Variants in SND1 observed in about 807,000 individuals in gnomAD.
The protein encoded by SND1 is staphylococcal nuclease and tudor domain containing 1.
In SND1, 38 loss-of-function variants were observed where a neutral mutation model predicts 121.7. The observed-to-expected ratio is 0.31, with a 90% CI of 0.24 to 0.41. The LOEUF (loss-of-function observed/expected upper bound fraction) is 0.41, where lower values mean the gene tolerates loss of function less well. Among genes scored for constraint, SND1 ranks in the 10% least tolerant of loss-of-function variants. The probability of loss-of-function intolerance (pLI) is 1.00; values close to 1 mark genes in which losing one functional copy is unlikely to be tolerated. For missense variants in SND1, 868 were observed against 1,184.6 expected (o/e 0.73, Z 3.92); for synonymous variants, 401 against 447.4 (o/e 0.90, Z 1.31).
chr7:127,674,109 GCT>G (rs1795575609), intron 1 of SND1, among the ~76,000 whole-genome samples: 1 of 148,432 alleles, frequency 6.7e-6, no homozygotes, highest in African/African-American at 2.5e-5. Flanking sequence ...TTCCTGCCTT[GCT>G]CTCTCCTTTC....
chr7:127,759,383 A>G (rs536676921), intron 10 of SND1, among the ~76,000 whole-genome samples: 5 of 152,188 alleles, frequency 3.3e-5, no homozygotes, highest in Admixed American at 6.5e-5. Context: ...GTTTGTTTTC[A>G]TACTTAAATT....
intron 2 of SND1, among the ~76,000 whole-genome samples, chr7:127,691,339 G>A (rs568298147): frequency 2.1e-3 from 312 of 152,008 alleles, no homozygotes; most frequent in Middle Eastern, 3.4e-3. Flanking sequence ...TCAGGAGTTC[G>A]AGACCAGCCT....
At chr7:128,032,270 T>C (rs1792644369) in intron 16 of SND1, among the ~76,000 whole-genome samples, 2 of 150,436 alleles carry the variant, frequency 1.3e-5, no homozygotes, top group South Asian at 4.2e-4. Flanking sequence ...CCGCCCGTCT[T>C]CCTCTTTCCT....
At chr7:127,830,194 C>A (rs548850232) in intron 11 of SND1, among the ~76,000 whole-genome samples, 2 of 152,004 alleles carry the variant, frequency 1.3e-5, no homozygotes, top group Non-Finnish European at 2.9e-5. Flanking sequence ...ACCAGCCTGA[C>A]CAACAAGGTG....
intron 1 of SND1, among the ~76,000 whole-genome samples, chr7:127,661,890 T>C (rs1436890837): frequency 1.3e-5 from 2 of 151,940 alleles, no homozygotes; most frequent in African/African-American, 4.8e-5. Flanking sequence ...CCGAGGTGGG[T>C]AGATCACTTG....
At chr7:128,066,710 T>C (rs1793321283) in intron 16 of SND1, among the ~76,000 whole-genome samples, 1 of 152,196 alleles carries the variant, frequency 6.6e-6, no homozygotes, top group African/African-American at 2.4e-5. Context: ...TGTGTTAAAC[T>C]GTTACTGTGT....
At chr7:127,948,924 G>A (rs933252000) in intron 15 of SND1, among the ~76,000 whole-genome samples, 8 of 152,160 alleles carry the variant, frequency 5.3e-5, no homozygotes, top group South Asian at 2.1e-4. Flanking sequence ...TAAGGCTACC[G>A]ATTTAAACAC....
intron 9 of SND1, among the ~76,000 whole-genome samples, chr7:127,711,405 GTATC>G (rs1379998584): frequency 2.6e-5 from 4 of 152,192 alleles, no homozygotes; most frequent in African/African-American, 9.6e-5. Context: ...CATTAGAATT[GTATC>G]TATCAGTATC....
intron 15 of SND1, among the ~76,000 whole-genome samples, chr7:127,935,218 C>G (rs1454662587): frequency 6.6e-6 from 1 of 152,114 alleles, no homozygotes; most frequent in Non-Finnish European, 1.5e-5. Context: ...TCCCTGATAT[C>G]TAACAGAGAA....
At chr7:127,760,651 ACCTCTCTGC>A (rs1212419037) in intron 10 of SND1, among the ~76,000 whole-genome samples, 5 of 152,196 alleles carry the variant, frequency 3.3e-5, no homozygotes, top group African/African-American at 1.2e-4. Flanking sequence ...CTAAAAAGGC[ACCTCTCTGC>A]CATACATTTC....
At chr7:127,907,985 C>T (rs189819387) in intron 14 of SND1, among the ~76,000 whole-genome samples, 11 of 152,206 alleles carry the variant, frequency 7.2e-5, no homozygotes, top group Admixed American at 3.3e-4. Flanking sequence ...TGGCTTAGAA[C>T]GTAAGATACC....
At chr7:127,664,151 T>A (rs1795368834) in intron 1 of SND1, among the ~76,000 whole-genome samples, 1 of 150,376 alleles carries the variant, frequency 6.6e-6, no homozygotes, top group African/African-American at 2.5e-5. Context: ...AATTTTTGTA[T>A]TTTTTGTAGA....
At chr7:127,895,498 C>G (rs1800101131) in intron 13 of SND1, among the ~76,000 whole-genome samples, 1 of 152,160 alleles carries the variant, frequency 6.6e-6, no homozygotes, top group Non-Finnish European at 1.5e-5. Context: ...GCACACCCCA[C>G]CCTACATTTT....
At chr7:127,789,718 T>G (rs1340999864) in intron 10 of SND1, among the ~76,000 whole-genome samples, 1 of 152,222 alleles carries the variant, frequency 6.6e-6, no homozygotes, top group African/African-American at 2.4e-5. Context: ...CCTGATAGCA[T>G]GCTGATTCAT....
At chr7:127,748,318 C>G (rs1279878821) in intron 10 of SND1, among the ~76,000 whole-genome samples, 2 of 152,156 alleles carry the variant, frequency 1.3e-5, no homozygotes, top group Non-Finnish European at 2.9e-5. Context: ...TCCTAGGATG[C>G]TTGTGTACAA....
At chr7:128,030,676 T>C (rs374596361) in intron 16 of SND1, 1 of 1,522,530 alleles carries the variant, frequency 6.6e-7, no homozygotes, top group African/African-American at 1.4e-5. Flanking sequence ...TCGCCTGGGA[T>C]TTTGGCTCGG....
chr7:127,865,697 C>A (rs1482174161), intron 12 of SND1, among the ~76,000 whole-genome samples: 1 of 152,030 alleles, frequency 6.6e-6, no homozygotes, highest in South Asian at 2.1e-4. Flanking sequence ...TTTATGGCAG[C>A]CTTGACCTCC....
intron 14 of SND1, among the ~76,000 whole-genome samples, chr7:127,920,429 G>A (rs943331439): frequency 3.3e-5 from 5 of 152,142 alleles, no homozygotes; most frequent in Admixed American, 6.5e-5. Context: ...GAACTCTTGG[G>A]AGGAAGCTCT....
At chr7:128,010,559 C>A (rs911307028) in intron 16 of SND1, among the ~76,000 whole-genome samples, 1 of 152,218 alleles carries the variant, frequency 6.6e-6, no homozygotes, top group African/African-American at 2.4e-5. Context: ...ACTCACCCCA[C>A]CCACAGGTTG....
Sources: gnomAD v4.1 joint callset for allele counts (sites outside exome capture counted in the v4.1 genomes callset) on GRCh38, gnomAD v4.1.1 for gene constraint, MANE v1.5 for transcripts, NCBI Gene and HGNC (gene_info 2026-07-23, HGNC 2026-07-21) for gene names.